SCFD1: variants seen among roughly 807,000 people sequenced by gnomAD.
SCFD1 encodes the protein sec1 family domain-containing protein 1.
In SCFD1, 37 loss-of-function variants were observed where a neutral mutation model predicts 103.2. That is an observed-to-expected ratio of 0.36 (90% CI 0.28 to 0.47). The LOEUF (loss-of-function observed/expected upper bound fraction) is 0.47, where lower values mean the gene tolerates loss of function less well. SCFD1 is among the 20% of genes least tolerant of loss of function. The pLI is 1.00. For synonymous variants in SCFD1, 264 were observed against 245.0 expected (o/e 1.08, Z -0.73); for missense variants, 639 against 761.2 (o/e 0.84, Z 1.89).
At chr14:30,661,988 T>G (rs1251914313) in intron 10 of SCFD1, among the ~76,000 whole-genome samples, 2 of 152,158 alleles carry the variant, frequency 1.3e-5, no homozygotes, top group South Asian at 4.1e-4. Flanking sequence ...ATATTAAAGA[T>G]CATATTTTGT....
chr14:30,722,655 C>A (rs371622795), intron 23 of SCFD1, 96 bp downstream of exon 23: 3 of 633,850 alleles, frequency 4.7e-6, no homozygotes, highest in Admixed American at 6.4e-5. Flanking sequence ...TCTATAACTT[C>A]TTTTCTAAAA....
chr14:30,706,790 A>G (rs144652629), intron 18 of SCFD1, among the ~76,000 whole-genome samples: 136 of 152,350 alleles, frequency 8.9e-4, no homozygotes, highest in African/African-American at 2.6e-3. Flanking sequence ...AGAGGAGAAC[A>G]GGTTTATCCT....
At chr14:30,653,778 G>T in intron 10 of SCFD1, 190 bp downstream of exon 10, 1 of 433,110 alleles carries the variant, frequency 2.3e-6, no homozygotes. Context: ...TTAAAGTTTA[G>T]TTTCAAATTT....
intron 14 of SCFD1, among the ~76,000 whole-genome samples, chr14:30,679,474 T>G (rs2139245527): frequency 6.6e-6 from 1 of 152,296 alleles, no homozygotes; most frequent in Admixed American, 6.5e-5. Flanking sequence ...CTAAAATTTT[T>G]TATTCCACTC....
chr14:30,652,769 G>A (rs1421595168), intron 9 of SCFD1, among the ~76,000 whole-genome samples: 1 of 152,114 alleles, frequency 6.6e-6, no homozygotes, highest in Non-Finnish European at 1.5e-5. Context: ...TACTTTGGGA[G>A]GCCAAGGTGG....
At chr14:30,644,104 G>C (rs11851205) in intron 7 of SCFD1, 113,115 of 386,306 alleles carry the variant, frequency 0.29, 18,935 homozygotes, top group East Asian at 0.63. Flanking sequence ...AGGGTGTTTT[G>C]TTTTCTGTTT....
At chr14:30,675,825 A>C (rs1410913675) in intron 14 of SCFD1, among the ~76,000 whole-genome samples, 1 of 152,226 alleles carries the variant, frequency 6.6e-6, no homozygotes, top group Non-Finnish European at 1.5e-5. Flanking sequence ...GAAGGTACTT[A>C]AAGGTATTAT....
chr14:30,729,857 G>A (rs1257829535), intron 23 of SCFD1, among the ~76,000 whole-genome samples: 1 of 149,416 alleles, frequency 6.7e-6, no homozygotes, highest in Non-Finnish European at 1.5e-5. Context: ...TTTTTATGCT[G>A]TTACGAAAGG....
Position 30,700,182 on chromosome 14 carries a change from A to G in SCFD1, c.1340-6A>G, listed in dbSNP as rs1049429153. ...AATATTTTTTAACCTCTTTTCCCCTATGCAGCAGGAACTCCAGAAGATAAA... is the reference window on the plus strand; with the variant it reads ...AATATTTTTTAACCTCTTTTCCCCTGTGCAGCAGGAACTCCAGAAGATAAA... On this transcript the variant is annotated splice_polypyrimidine_tract_variant and splice_region_variant and intron_variant, in intron 15 of 24. Transcript: ENST00000458591. The G allele has an allele frequency of 8.8e-6, 14 of 1,599,450 alleles. No individual in the cohort carries two copies. The highest frequency in any genetic ancestry group is 1.1e-5 in the Non-Finnish European group (13 of 1,167,576).
At chr14:30,648,000 A>T (rs1388970252) in intron 7 of SCFD1, among the ~76,000 whole-genome samples, 2 of 152,212 alleles carry the variant, frequency 1.3e-5, no homozygotes, top group Admixed American at 1.3e-4. Context: ...AATCTGACAT[A>T]GAAGGATGTC....
chr14:30,649,131 G>T lies in SCFD1; in HGVS notation c.614-397G>T, dbSNP rs1486841236. ...TGTTGTTTTCTTTATTAATGGGAAG[G>T]TTCATTTCTGAAACTTATTTTTACC... On this transcript the variant is annotated intron_variant, in intron 7 of 24. Transcript: ENST00000458591. Among the ~76,000 whole-genome samples the T allele has an allele frequency of 3.9e-5, 6 of 152,200 alleles. 1 individual carries two copies. In the East Asian group the frequency reaches 1.2e-3, roughly 29 times the overall value.
chr14:30,702,805 T>G (rs1414288364), intron 17 of SCFD1, among the ~76,000 whole-genome samples: 1 of 152,208 alleles, frequency 6.6e-6, no homozygotes, highest in Non-Finnish European at 1.5e-5. Context: ...AAAATTTTTC[T>G]GGATGGTATA....
chr14:30,735,630 A>G lies in SCFD1; in HGVS notation c.*21A>G, dbSNP rs1893793733. ...AGTAACACAGAAGAACCTTACTATG[A>G]TAATCTACTTGGAATGTGGATAAAT... is the stretch of plus-strand genomic sequence containing the variant. On this transcript the variant is annotated 3_prime_UTR_variant, in exon 25 of 25. Coordinates refer to ENST00000458591, the MANE Select transcript of SCFD1 (RefSeq NM_016106.4). The G allele has an allele frequency of 6.4e-7, 1 of 1,568,794 alleles. No homozygotes were observed.
At chr14:30,698,443 T>C (rs1890847637) in intron 15 of SCFD1, among the ~76,000 whole-genome samples, 1 of 152,172 alleles carries the variant, frequency 6.6e-6, no homozygotes, top group Non-Finnish European at 1.5e-5. Flanking sequence ...ATGTTTCCTC[T>C]TGAAGAAGAG....
intron 23 of SCFD1, among the ~76,000 whole-genome samples, chr14:30,733,832 CCT>C (rs1328082639): frequency 2.0e-5 from 3 of 152,204 alleles, no homozygotes; most frequent in Non-Finnish European, 4.4e-5. Flanking sequence ...GCATAAAAGA[CCT>C]CTCCTTGAAC....
intron 14 of SCFD1, among the ~76,000 whole-genome samples, chr14:30,676,794 A>C (rs1889069994): frequency 6.6e-6 from 1 of 152,206 alleles, no homozygotes; most frequent in Non-Finnish European, 1.5e-5. Context: ...AAGACTGTGG[A>C]GGATAAGGGA....
chr14:30,703,951 ATATATATATATAAAT>A (rs1460508261), intron 17 of SCFD1, among the ~76,000 whole-genome samples: 11 of 58,894 alleles, frequency 1.9e-4, no homozygotes, highest in Middle Eastern at 7.0e-3. Context: ...ATATATATAT[ATATATATATATAAAT>A]AATGAGATAT....
At chr14:30,635,461 T>C (rs1316849776) in intron 4 of SCFD1, among the ~76,000 whole-genome samples, 3 of 152,166 alleles carry the variant, frequency 2.0e-5, no homozygotes, top group Non-Finnish European at 4.4e-5. Context: ...ACCTTCTGTT[T>C]CTGTATATTT....
intron 11 of SCFD1, among the ~76,000 whole-genome samples, chr14:30,672,224 A>G (rs1444055021): frequency 6.6e-6 from 1 of 152,100 alleles, no homozygotes; most frequent in Non-Finnish European, 1.5e-5. Context: ...GGAAGTTTCC[A>G]TTATAATTAG....
Sources: gnomAD v4.1 joint callset for allele counts (sites outside exome capture counted in the v4.1 genomes callset) on GRCh38, gnomAD v4.1.1 for gene constraint, MANE v1.5 for transcripts, NCBI Gene and HGNC (gene_info 2026-07-23, HGNC 2026-07-21) for gene names.